GOSR2: variants seen among roughly 807,000 people sequenced by gnomAD.
GOSR2 encodes the protein golgi SNAP receptor complex member 2.
A neutral mutation model predicts 27.9 loss-of-function variants in GOSR2; 20 were observed. The ratio of observed to expected loss-of-function variants is 0.72; its 90% CI spans 0.50 to 1.04. GOSR2 has a LOEUF of 1.04. Ranked by LOEUF, GOSR2 falls within the 50% of genes least tolerant of loss-of-function variation. The probability of loss-of-function intolerance (pLI) is 0.00; values close to 1 mark genes in which losing one functional copy is unlikely to be tolerated. For synonymous variants in GOSR2, 91 were observed against 98.8 expected (o/e 0.92, Z 0.47); for missense variants, 261 against 270.5 (o/e 0.97, Z 0.25).
At chr17:46,973,670 G>C (rs139516200) in intron 6 of GOSR2, among the ~76,000 whole-genome samples, 208 of 152,212 alleles carry the variant, frequency 1.4e-3, no homozygotes, top group African/African-American at 4.8e-3. Flanking sequence ...GCCGAGCTGG[G>C]GTTTGCTGTC....
chr17:46,952,220 A>C lies in GOSR2; in HGVS notation c.583+13516A>C, dbSNP rs549720351. 4.6e-5 allele frequency among the ~76,000 whole-genome samples: 7 copies of C among 152,284 alleles called. No individual in the cohort carries two copies. The East Asian group carries it at 1.4e-3, about 29-fold the overall frequency. On this transcript the variant is annotated intron_variant, in intron 6 of 6. Transcript: ENST00000573224. The stretch of plus-strand genomic sequence containing the variant: ...GCCATTGTCTCTCCTTCCTGTGGAA[A>C]ACCTGTGCCACGGGACTCAGCGAGG...
chr17:46,928,895 TG>T (rs2086895069), intron 1 of GOSR2, among the ~76,000 whole-genome samples: 1 of 152,174 alleles, frequency 6.6e-6, no homozygotes, highest in Non-Finnish European at 1.5e-5. Flanking sequence ...ATAACTTACC[TG>T]GTTTCTCTTT....
chr17:46,935,021 T>A lies in GOSR2; in HGVS notation c.337-8T>A. The A allele has an allele frequency of 6.2e-7, 1 of 1,611,952 alleles. No individual in the cohort carries two copies. Among genetic ancestry groups the A allele is most frequent in the African/African-American group, 1.3e-5 (1 of 75,008 alleles). The stretch of plus-strand genomic sequence containing the variant: ...AAAGTTAATCAAGTGCCTGTGTTTC[T>A]TTCACAGGACTCTGACACCACCATA... On this transcript the variant is annotated splice_polypyrimidine_tract_variant and splice_region_variant and intron_variant, in intron 4 of 5. Coordinates refer to ENST00000640051, the MANE Select transcript of GOSR2 (RefSeq NM_004287.5).
chr17:46,929,475 T>TAATC lies in GOSR2; in HGVS notation c.30-45_30-44insAATC. Reference sequence around the variant, plus strand: ...ATTGTCTTTCCTGACTGAAGCGCTGTTGATTACTCCTGTCTCACTCATTTC... The same window carrying TAATC: ...ATTGTCTTTCCTGACTGAAGCGCTGTAATCTGATTACTCCTGTCTCACTCATTTC... On this transcript the variant is annotated intron_variant, in intron 1 of 5. Coordinates refer to ENST00000640051, the MANE Select transcript of GOSR2 (RefSeq NM_004287.5). 7.2e-6 allele frequency: 7 copies of TAATC among 976,450 alleles called. 1 individual carries two copies. The highest frequency in any genetic ancestry group is 6.4e-5 in the South Asian group (5 of 78,480). The allele number at this position is 976,450 out of a possible 1,614,324, so 60.5% of individuals were successfully genotyped here.
chr17:46,937,374 G>A (rs1245733382), intron 5 of GOSR2: 3 of 152,182 alleles, frequency 2.0e-5, no homozygotes, highest in East Asian at 1.9e-4. Flanking sequence ...CTAGAGAGCC[G>A]AGGACAAGTT....
chr17:46,938,437 C>T (rs1441959746), intron 5 of GOSR2, among the ~76,000 whole-genome samples, 162 bp from the exon 6 acceptor site: 1 of 152,118 alleles, frequency 6.6e-6, no homozygotes, highest in African/African-American at 2.4e-5. Context: ...AATCAGTCGA[C>T]GACATGAGAG....
intron 6 of GOSR2, among the ~76,000 whole-genome samples, chr17:46,957,304 CAAA>C (rs1376537202): frequency 6.6e-6 from 1 of 151,868 alleles, no homozygotes; most frequent in Non-Finnish European, 1.5e-5. Flanking sequence ...GACCCTGCCT[CAAA>C]AAGAAAACAA....
At chr17:46,950,423 A>T (rs1373382518) in intron 6 of GOSR2, among the ~76,000 whole-genome samples, 2 of 152,218 alleles carry the variant, frequency 1.3e-5, no homozygotes, top group Non-Finnish European at 2.9e-5. Context: ...TGAAGTTGCT[A>T]AGTGTATGAT....
chr17:46,972,490 G>A (rs1219108607), intron 6 of GOSR2, among the ~76,000 whole-genome samples: 1 of 152,244 alleles, frequency 6.6e-6, no homozygotes, highest in African/African-American at 2.4e-5. Flanking sequence ...CAGCTTTGGA[G>A]CACAAGGTGG....
downstream of GOSR2, among the ~76,000 whole-genome samples, chr17:46,946,282 C>CAAAAAA (rs58163051): frequency 3.9e-5 from 5 of 126,676 alleles, no homozygotes; most frequent in African/African-American, 1.6e-4. Context: ...CTAAAAATAC[C>CAAAAAA]AAAAAAAAAA....
At chr17:46,974,429 G>A (rs1007115037) in intron 6 of GOSR2, among the ~76,000 whole-genome samples, 6 of 152,184 alleles carry the variant, frequency 3.9e-5, no homozygotes, top group Non-Finnish European at 8.8e-5. Context: ...CCAATGTGTT[G>A]TGGGGAGCAA....
rs2089248298 is a variant in GOSR2 at position 46,941,321 on chromosome 17, A to C, written c.*2561A>C. On this transcript the variant is annotated 3_prime_UTR_variant, in exon 6 of 6. Transcript: ENST00000640051. ...TTGGATTTACACCCATTGTTTTGGA[A>C]GCACATCAGCTGAATAAAGTTGAGG... 1 of 985,368 alleles carries C rather than the reference A, an allele frequency of 1.0e-6. No homozygotes were observed. Among genetic ancestry groups the C allele is most frequent in the African/African-American group, 1.7e-5 (1 of 57,236 alleles). 61.0% of individuals were successfully genotyped at this position (985,368 alleles called of 1,614,324 possible). A position where few individuals can be genotyped will look rare whatever the true frequency, so the allele number is the denominator to read the frequency against.
At chr17:46,955,196 A>G (rs2090627880) in intron 6 of GOSR2, among the ~76,000 whole-genome samples, 1 of 151,958 alleles carries the variant, frequency 6.6e-6, no homozygotes, top group Non-Finnish European at 1.5e-5. Context: ...TCCCATCAAT[A>G]CCTAATTTAT....
Position 46,974,987 on chromosome 17 carries a change from CTTTTTTT to C in GOSR2, c.616-192_616-186del, listed in dbSNP as rs58438726. Among the ~76,000 whole-genome samples, 616 of 119,058 alleles carry C rather than the reference CTTTTTTT, an allele frequency of 5.2e-3. 1 individual carries two copies. The highest frequency in any genetic ancestry group is 8.4e-3 in the Non-Finnish European group (484 of 57,352). The allele number at this position is 119,058 out of a possible 152,430, so 78.1% of individuals were successfully genotyped here. A position where few individuals can be genotyped will look rare whatever the true frequency, so the allele number is the denominator to read the frequency against. ...CTTTTCAAATATGAATTACTATTTT[CTTTTTTT>C]TTTTTTTTTTTTTTTTTTTATGTCC... On this transcript the variant is annotated intron_variant, in intron 6 of 6. Coordinates refer to the GOSR2 transcript ENST00000640723.
Position 46,940,559 on chromosome 17 carries a change from C to G in GOSR2, c.*1799C>G. 1 of 1,614,158 alleles carries G rather than the reference C, an allele frequency of 6.2e-7. No homozygotes were observed. Among genetic ancestry groups the G allele is most frequent in the Non-Finnish European group, 8.5e-7 (1 of 1,180,020 alleles). ...CAAGGCTGTCCTGTCCCCCAGGCAC[C>G]CAAGGATCCTGCCAGACAGCACACT... On this transcript the variant is annotated 3_prime_UTR_variant, in exon 6 of 6. Coordinates refer to ENST00000640051, the MANE Select transcript of GOSR2 (RefSeq NM_004287.5).
At chr17:46,926,168 A>G (rs1004079155) in intron 1 of GOSR2, among the ~76,000 whole-genome samples, 3 of 152,170 alleles carry the variant, frequency 2.0e-5, no homozygotes, top group Non-Finnish European at 4.4e-5. Context: ...ACCTTATCTC[A>G]AGACCATGTT....
intron 6 of GOSR2, among the ~76,000 whole-genome samples, chr17:46,974,118 T>C (rs2091421770): frequency 6.6e-6 from 1 of 152,248 alleles, no homozygotes; most frequent in South Asian, 2.1e-4. Context: ...AAGGCACAGC[T>C]GACCCCAGAA....
chr17:46,941,526 C>A lies in GOSR2; in HGVS notation c.*2766C>A. On this transcript the variant is annotated 3_prime_UTR_variant, in exon 6 of 6. Coordinates refer to ENST00000640051, the MANE Select transcript of GOSR2 (RefSeq NM_004287.5). ...TTTTTAAAATTACATATTCCTGGGG[C>A]CTACCCCAGATCTGAATTAGAACCT... The A allele has an allele frequency of 2.3e-6, 1 of 442,380 alleles. No homozygotes were observed. The highest frequency in any genetic ancestry group is 3.0e-6 in the Non-Finnish European group (1 of 333,794). 27.4% of individuals were successfully genotyped at this position (442,380 alleles called of 1,614,324 possible). A position where few individuals can be genotyped will look rare whatever the true frequency, so the allele number is the denominator to read the frequency against.
chr17:46,970,981 G>A (rs2091386213), downstream of GOSR2, among the ~76,000 whole-genome samples: 1 of 152,204 alleles, frequency 6.6e-6, no homozygotes, highest in South Asian at 2.1e-4. Flanking sequence ...TTCCTTCTAG[G>A]TTGCAGGAAT....
Sources: allele counts gnomAD v4.1 joint callset (sites outside exome capture counted in the v4.1 genomes callset), GRCh38; gene constraint gnomAD v4.1.1; transcripts MANE v1.5; gene names NCBI Gene and HGNC (gene_info 2026-07-23, HGNC 2026-07-21).